Variants in ZNF878 observed in about 807,000 individuals in gnomAD.
ZNF878 encodes zinc finger protein 878.
A neutral mutation model predicts 11.1 loss-of-function variants in ZNF878; 10 were observed. The ratio of observed to expected loss-of-function variants is 0.90; its 90% CI spans 0.56 to 1.53. The LOEUF (loss-of-function observed/expected upper bound fraction) is 1.53. Ranked by LOEUF, ZNF878 falls within the 40% of genes most tolerant of loss-of-function variation. The pLI, the probability that ZNF878 is intolerant of heterozygous loss-of-function variation, is 0.00. For synonymous variants in ZNF878, 165 were observed against 209.7 expected, an observed-to-expected ratio of 0.79 and a Z score of 1.84; for missense variants, 548 against 626.1, an observed-to-expected ratio of 0.88 and a Z score of 1.33.
chr19:12,045,137 T>C lies in ZNF878; in HGVS notation c.264A>G (p.Pro88=), dbSNP rs750022205. Residue 88 remains proline, a synonymous_variant, in exon 4 of 4, where the codon CCA becomes CCG. Coordinates refer to ENST00000547628, the MANE Select transcript of ZNF878 (RefSeq NM_001080404.3). ...HQHGEVLTQV[P]DDTLKKKTPG... ...GAGTTTTCTTCTTCAGTGTGTCATC[T>C]GGAACCTGTGTCAAAACTTCTCCAT... is the stretch of plus-strand genomic sequence containing the variant. 2 of 1,612,992 alleles carry C rather than the reference T, an allele frequency of 1.2e-6. No individual in the cohort carries two copies. The highest frequency in any genetic ancestry group is 1.7e-5 in the Admixed American group (1 of 59,762).
rs1199914007 is a variant in ZNF878 at position 12,046,409 on chromosome 19, C to T, written c.150G>A (p.Gln50=). The T allele has an allele frequency of 1.3e-6, 2 of 1,577,230 alleles. No homozygotes were observed. Among genetic ancestry groups the T allele is most frequent in the Non-Finnish European group, 1.7e-6 (2 of 1,161,212 alleles). ...LTSIGKKWNN[Q]YIEDEHQNPR... The stretch of plus-strand genomic sequence containing the variant: ...GATTTTGGTGCTCATCTTCAATGTA[C>T]TGGTTGTTCCATTTTTTTCCTAAAA... The change falls in exon 3 of 4, where the codon CAG becomes CAA. Residue 50 remains glutamine (Q), a synonymous_variant. Coordinates refer to ENST00000547628, the MANE Select transcript of ZNF878 (RefSeq NM_001080404.3).
At chr19:12,048,246 C>T (rs950523668) in intron 1 of ZNF878, among the ~76,000 whole-genome samples, 1 of 152,092 alleles carries the variant, frequency 6.6e-6, no homozygotes, top group Non-Finnish European at 1.5e-5. Flanking sequence ...GGGCTGGGCG[C>T]GGTGGCTCAT....
chr19:12,045,242 T>C, intron 3 of ZNF878, 33 bp from the exon 4 acceptor site: 1 of 1,492,368 alleles, frequency 6.7e-7, no homozygotes. Flanking sequence ...ATAATGGGTT[T>C]ATCACTAATT....
chr19:12,045,303 G>A (rs1268751041), intron 3 of ZNF878, 94 bp from the exon 4 acceptor site: 1 of 1,048,700 alleles, frequency 9.5e-7, no homozygotes, highest in Non-Finnish European at 1.4e-6. Flanking sequence ...GCCCAGCAAA[G>A]TGTAGGCTTT....
At chr19:12,047,248 G>C (rs1483035176) in intron 1 of ZNF878, among the ~76,000 whole-genome samples, 1 of 152,122 alleles carries the variant, frequency 6.6e-6, no homozygotes, top group African/African-American at 2.4e-5. Context: ...GGTTTGGCAA[G>C]GGGCTTTATT....
At chr19:12,046,485 T>C (rs972276404) in intron 2 of ZNF878, 57 bp from the exon 3 acceptor site, 2 of 1,559,810 alleles carry the variant, frequency 1.3e-6, no homozygotes, top group South Asian at 2.4e-5. Flanking sequence ...TTTTAAAAAG[T>C]TACTTGATTC....
intron 1 of ZNF878, among the ~76,000 whole-genome samples, chr19:12,052,413 A>C (rs919135244): frequency 6.6e-6 from 1 of 152,178 alleles, no homozygotes; most frequent in African/African-American, 2.4e-5. Context: ...TTAATTTTTA[A>C]CTGGAAAAAA....
rs1264562477 is a variant in ZNF878, at chr19:12,044,479, C to T, written c.922G>A (p.Glu308Lys). 2.5e-6 allele frequency: 4 copies of T among 1,613,898 alleles called. No individual in the cohort carries two copies. Among genetic ancestry groups the T allele is most frequent in the Non-Finnish European group, 3.4e-6 (4 of 1,179,970 alleles). ...LRVHERKHTGEKPYECKLCGK... is the reference protein window; with the variant it reads ...LRVHERKHTGKKPYECKLCGK... ...CATAGCTTACACTCATAGGGTTTCT[C>T]TCCAGTGTGTTTTCTTTCATGTACT... is the stretch of plus-strand genomic sequence containing the variant. Residue 308 changes from glutamate to lysine, a missense_variant, in exon 4 of 4, where the codon GAG becomes AAG. Around this residue, in one of 3 missense-constraint regions of ZNF878, gnomAD observed 335 missense variants for 358.2 expected, o/e 0.94. Transcript: ENST00000547628.
chr19:12,051,603 C>A (rs557536732), intron 1 of ZNF878, among the ~76,000 whole-genome samples: 4 of 151,518 alleles, frequency 2.6e-5, no homozygotes, highest in Admixed American at 2.6e-4. Context: ...GAAACCCCGT[C>A]TCTACTAAAA....
At chr19:12,048,450 G>A (rs1166207214) in intron 1 of ZNF878, among the ~76,000 whole-genome samples, 4 of 150,936 alleles carry the variant, frequency 2.7e-5, no homozygotes, top group African/African-American at 7.3e-5. Flanking sequence ...CCCGGGAGGC[G>A]GAGCTTGCAG....
chr19:12,046,449 A>C, intron 2 of ZNF878, 21 bp from the exon 3 acceptor site: 1 of 1,565,020 alleles, frequency 6.4e-7, no homozygotes, highest in Admixed American at 1.9e-5. Flanking sequence ...GACCCAGAAA[A>C]ATAGTCCTGA....
At chr19:12,048,157 A>C (rs1975512904) in intron 1 of ZNF878, among the ~76,000 whole-genome samples, 1 of 152,228 alleles carries the variant, frequency 6.6e-6, no homozygotes, top group Non-Finnish European at 1.5e-5. Context: ...TGAAAGGTAC[A>C]TTAATTGCAA....
chr19:12,050,378 T>C (rs1250031390), intron 1 of ZNF878, among the ~76,000 whole-genome samples: 1 of 152,178 alleles, frequency 6.6e-6, no homozygotes, highest in Non-Finnish European at 1.5e-5. Context: ...ATGACTAATT[T>C]ATAGGGAAAT....
Position 12,043,858 on chromosome 19 carries a change from C to CTA in ZNF878, c.1542_1543insTA (p.Ala515Ter), listed in dbSNP as rs778538106. ...TGAAGGATTGAGGCAGATCTAAAGGCTTTACCACATTGCTTACACTCATAG... is the reference window on the plus strand; with the variant it reads ...TGAAGGATTGAGGCAGATCTAAAGGCTATTTACCACATTGCTTACACTCATAG... On this transcript the variant is annotated frameshift_variant, in exon 4 of 4. Coordinates refer to ENST00000547628, the MANE Select transcript of ZNF878 (RefSeq NM_001080404.3). LOFTEE classifies it low-confidence loss of function (END_TRUNC). 2.0e-4 allele frequency: 330 copies of CTA among 1,613,510 alleles called. No individual in the cohort carries two copies. The highest frequency in any genetic ancestry group is 2.6e-4 in the Non-Finnish European group (305 of 1,179,822).
In ZNF878 at chr19:12,046,692, G is replaced by C. The variant is rs11668160; in HGVS notation, c.72C>G (p.Ser24=). 70,666 of 1,613,840 alleles carry C rather than the reference G, an allele frequency of 0.044. 1,804 individuals carry two copies. Among genetic ancestry groups the C allele is most frequent in the Non-Finnish European group, 0.05 (59,464 of 1,179,898 alleles). ...TCACTTCCCTGTAGAGATTTTTCTG[G>C]GAAGGATCCAGCAAAGCCCACTCCT... ...TQEEWALLDP[S]QKNLYREVMQ... The change falls in exon 2 of 4, where the codon TCC becomes TCG. Residue 24 remains serine, a synonymous_variant. Transcript: ENST00000547628.
chr19:12,051,563 G>C (rs1283767016), intron 1 of ZNF878, among the ~76,000 whole-genome samples: 1 of 151,524 alleles, frequency 6.6e-6, no homozygotes, highest in East Asian at 2.0e-4. Context: ...CACGAGGTCA[G>C]GAGTTCGAGA....
At chr19:12,051,617 C>T (rs1421579074) in intron 1 of ZNF878, among the ~76,000 whole-genome samples, 1 of 147,652 alleles carries the variant, frequency 6.8e-6, no homozygotes, top group Non-Finnish European at 1.5e-5. Flanking sequence ...ACTAAAAATA[C>T]AAAAATTGGC....
Position 12,052,883 on chromosome 19 carries a change from G to A in ZNF878, c.-82C>T. 1 of 1,520,426 alleles carries A rather than the reference G, an allele frequency of 6.6e-7. No homozygotes were observed. The highest frequency in any genetic ancestry group is 8.8e-7 in the Non-Finnish European group (1 of 1,134,908). 94.2% of individuals were successfully genotyped at this position (1,520,426 alleles called of 1,614,324 possible). A position where few individuals can be genotyped will look rare whatever the true frequency, so the allele number is the denominator to read the frequency against. The stretch of plus-strand genomic sequence containing the variant: ...TCACAGCGCAGTCGACAGAGCAACA[G>A]CAGCTACGGCGGAAGTAACTGGTCC... On this transcript the variant is annotated 5_prime_UTR_variant, in exon 1 of 4. Coordinates refer to ENST00000547628, the MANE Select transcript of ZNF878 (RefSeq NM_001080404.3).
chr19:12,048,134 T>G (rs1216576881), intron 1 of ZNF878, among the ~76,000 whole-genome samples: 1 of 152,142 alleles, frequency 6.6e-6, no homozygotes, highest in African/African-American at 2.4e-5. Context: ...AAACAAACCC[T>G]TTTGGTATAA....
Sources: allele counts gnomAD v4.1 joint callset (sites outside exome capture counted in the v4.1 genomes callset), GRCh38; gene constraint gnomAD v4.1.1; regional missense constraint gnomAD v4.1.1; transcripts MANE v1.5; gene names NCBI Gene and HGNC (gene_info 2026-07-23, HGNC 2026-07-21).